The following SPAST variants were observed in gnomAD, a reference collection of about 807,000 sequenced individuals.
SPAST encodes spastic paraplegia 4 (autosomal dominant; spastin).
In SPAST, 30 loss-of-function variants were observed where a neutral mutation model predicts 76.6. The observed-to-expected ratio is 0.39, with a 90% CI of 0.29 to 0.53. The LOEUF (loss-of-function observed/expected upper bound fraction) is 0.53, where lower values mean the gene tolerates loss of function less well. Ranked by LOEUF, SPAST falls within the 20% of genes least tolerant of loss-of-function variation. SPAST has a pLI of 0.68. For synonymous variants in SPAST, 305 were observed against 281.0 expected, an observed-to-expected ratio of 1.09 and a Z score of -0.86; for missense variants, 717 against 770.5, an observed-to-expected ratio of 0.93 and a Z score of 0.82.
At chr2:32,079,068 T>A (rs1677091231) in intron 1 of SPAST, among the ~76,000 whole-genome samples, 1 of 152,080 alleles carries the variant, frequency 6.6e-6, no homozygotes, top group Non-Finnish European at 1.5e-5. Context: ...CTTGAATTCC[T>A]GGGCTCAAGT....
chr2:32,089,532 T>C lies in SPAST; in HGVS notation c.513T>C (p.Cys171=). The change falls in exon 3 of 17, where the codon TGT becomes TGC. Residue 171 remains cysteine (C), a synonymous_variant. Transcript: ENST00000315285. ...AVIVTGQGEQ[C]ERARRLQAKM... ...ATTTTTTTCTTTCAGGTGAACAGTG[T>C]GAAAGAGCTAGACGCCTTCAAGCTA... 6.3e-7 allele frequency: 1 copy of C among 1,590,446 alleles called. No homozygotes were observed. The highest frequency in any genetic ancestry group is 8.6e-7 in the Non-Finnish European group (1 of 1,158,620).
At chr2:32,079,640 C>G (rs1254783539) in intron 1 of SPAST, among the ~76,000 whole-genome samples, 1 of 141,874 alleles carries the variant, frequency 7.0e-6, no homozygotes, top group East Asian at 2.4e-4. Context: ...CTCACTGCAG[C>G]CTCCTCTTCC....
rs1443578852 is a variant in SPAST, at chr2:32,141,936, C to T, written c.1526C>T (p.Pro509Leu). 1 of 1,611,654 alleles carries T rather than the reference C, an allele frequency of 6.2e-7. No homozygotes were observed. ...ATCAAACGGGTATATGTGTCTTTAC[C>T]AAATGAGGAGGTATGTATCTGTGTT... ...RFIKRVYVSLPNEETRLLLLK... is the reference protein window; with the variant it reads ...RFIKRVYVSLLNEETRLLLLK... Residue 509 changes from proline (P) to leucine (L), a missense_variant, in exon 13 of 17, where the codon CCA becomes CTA. Physicochemically the swap from Pro to Leu is moderately conservative, Grantham distance 98. Around this residue, in one of 3 missense-constraint regions of SPAST, gnomAD observed 96 missense variants for 127.6 expected, o/e 0.75. Transcript: ENST00000315285.
Position 32,091,631 on chromosome 2 carries a change from G to A in SPAST, c.586+2026G>A, listed in dbSNP as rs537019634. On this transcript the variant is annotated intron_variant, in intron 3 of 16. Transcript: ENST00000315285. ...GTGGATCACGAGGTCAGGAGATTGA[G>A]ACCATCCTGGCTAACACGGTGAAAC... Among the ~76,000 whole-genome samples the A allele has an allele frequency of 5.3e-5, 8 of 149,836 alleles. No individual in the cohort carries two copies. The South Asian group carries it at 1.5e-3, about 28-fold the overall frequency.
At chr2:32,144,870 G>C in intron 14 of SPAST, 67 bp from the exon 15 acceptor site, 1 of 1,097,922 alleles carries the variant, frequency 9.1e-7, no homozygotes, top group South Asian at 1.3e-5. Context: ...GGCAACAAGA[G>C]CAAAACTCCA....
chr2:32,070,878 G>C (rs1168334317), intron 1 of SPAST, among the ~76,000 whole-genome samples: 3 of 152,184 alleles, frequency 2.0e-5, no homozygotes, highest in Non-Finnish European at 4.4e-5. Flanking sequence ...TTTCTTGGAA[G>C]ACTGAAAACC....
At chr2:32,147,407 C>T in intron 16 of SPAST, 149 bp downstream of exon 16, 2 of 580,120 alleles carry the variant, frequency 3.4e-6, no homozygotes, top group Admixed American at 3.1e-5. Flanking sequence ...ACTGCAACCT[C>T]CACCTCCTGG....
intron 9 of SPAST, among the ~76,000 whole-genome samples, chr2:32,134,819 C>A (rs184866475): frequency 6.6e-6 from 1 of 152,184 alleles, no homozygotes; most frequent in African/African-American, 2.4e-5. Context: ...CGTCAGCCTC[C>A]CGAGTAGCTG....
chr2:32,115,852 A>C lies in SPAST; in HGVS notation c.1004+17A>C. On this transcript the variant is annotated intron_variant, in intron 6 of 16. Transcript: ENST00000315285. ...TGTGGACAAGTAAGTTTTGCCATCT[A>C]AATGTTTTATTTTATAGTTTTTATA... is the stretch of plus-strand genomic sequence containing the variant. The C allele has an allele frequency of 6.3e-7, 1 of 1,591,386 alleles. No individual in the cohort carries two copies. Among genetic ancestry groups the C allele is most frequent in the Non-Finnish European group, 8.6e-7 (1 of 1,162,994 alleles).
At chr2:32,064,827 A>G (rs951888751) in intron 1 of SPAST, among the ~76,000 whole-genome samples, 35 of 152,352 alleles carry the variant, frequency 2.3e-4, no homozygotes, top group African/African-American at 7.7e-4. Context: ...TATATTTAGC[A>G]TAAAACTTTT....
chr2:32,149,609 T>C (rs1680009344), intron 16 of SPAST, among the ~76,000 whole-genome samples: 1 of 152,156 alleles, frequency 6.6e-6, no homozygotes. Flanking sequence ...TCAAAAATAC[T>C]TGGGGGAAAA....
chr2:32,113,862 C>T (rs1312749654), intron 4 of SPAST, among the ~76,000 whole-genome samples: 5 of 151,896 alleles, frequency 3.3e-5, no homozygotes, highest in African/African-American at 4.8e-5. Flanking sequence ...CCATCGCGCC[C>T]GGCGCTTCAT....
chr2:32,115,970 T>A, intron 6 of SPAST, 135 bp downstream of exon 6: 1 of 958,034 alleles, frequency 1.0e-6, no homozygotes, highest in Non-Finnish European at 1.6e-6. Context: ...AGTTTTCAAT[T>A]ATAAATGTAG....
At chr2:32,065,649 C>T (rs1429948358) in intron 1 of SPAST, among the ~76,000 whole-genome samples, 1 of 152,210 alleles carries the variant, frequency 6.6e-6, no homozygotes, top group Non-Finnish European at 1.5e-5. Flanking sequence ...GCTTCTCCCT[C>T]TGCCAAAAAC....
intron 1 of SPAST, among the ~76,000 whole-genome samples, chr2:32,076,731 TAAATG>T (rs779620254): frequency 2.0e-5 from 3 of 152,070 alleles, no homozygotes; most frequent in Non-Finnish European, 4.4e-5. Context: ...CAGTAGTCCT[TAAATG>T]AAATGGACTA....
At chr2:32,117,588 G>A (rs1678884989) in intron 7 of SPAST, among the ~76,000 whole-genome samples, 1 of 145,760 alleles carries the variant, frequency 6.9e-6, no homozygotes, top group Admixed American at 7.1e-5. Context: ...CTGGAGTGCA[G>A]TGGCTTGATG....
chr2:32,114,901 T>A, intron 5 of SPAST, 76 bp downstream of exon 5: 1 of 1,040,424 alleles, frequency 9.6e-7, no homozygotes, highest in East Asian at 2.4e-5. Flanking sequence ...CCTGCTTAAG[T>A]TGATCATAAG....
chr2:32,090,542 T>G (rs1677668819), intron 3 of SPAST, among the ~76,000 whole-genome samples: 1 of 152,172 alleles, frequency 6.6e-6, no homozygotes, highest in East Asian at 1.9e-4. Context: ...CCAAAAAAAC[T>G]GACCCCCCCA....
At chr2:32,064,293 G>A in intron 1 of SPAST, 47 bp downstream of exon 1, 4 of 1,339,024 alleles carry the variant, frequency 3.0e-6, no homozygotes, top group Non-Finnish European at 4.1e-6. Flanking sequence ...GGAAGAAGGC[G>A]GTGGGGTCGC....
Sources: allele counts gnomAD v4.1 joint callset (sites outside exome capture counted in the v4.1 genomes callset), GRCh38; gene constraint gnomAD v4.1.1; regional missense constraint gnomAD v4.1.1; transcripts MANE v1.5; gene names NCBI Gene and HGNC (gene_info 2026-07-23, HGNC 2026-07-21).